The following NBAS variants were observed in gnomAD, a reference collection of about 807,000 sequenced individuals.
The protein encoded by NBAS is NBAS subunit of NRZ tethering complex.
Under a neutral mutation model 302.5 loss-of-function variants are expected in NBAS, and 219 were observed. That is an observed-to-expected ratio of 0.72 (90% CI 0.65 to 0.81). NBAS has a LOEUF of 0.81. Among genes scored for constraint, NBAS ranks in the 30% least tolerant of loss-of-function variants. The probability of loss-of-function intolerance (pLI) is 0.00; values close to 1 mark genes in which losing one functional copy is unlikely to be tolerated. For synonymous variants in NBAS, 1,118 were observed against 1,021.6 expected (o/e 1.09, Z -1.80); for missense variants, 2,932 against 2,841.6 (o/e 1.03, Z -0.72).
the NBAS span, among the ~76,000 whole-genome samples, chr2:14,983,106 T>G: frequency 6.6e-6 from 1 of 152,190 alleles, no homozygotes; most frequent in African/African-American, 2.4e-5. Flanking sequence ...GGCAACTAAA[T>G]TAACCTCTTC....
the NBAS span, among the ~76,000 whole-genome samples, chr2:14,866,458 A>G: frequency 6.6e-6 from 1 of 152,168 alleles, no homozygotes; most frequent in African/African-American, 2.4e-5. Flanking sequence ...AGAATATACT[A>G]CAAGAGCAAA....
At chr2:15,338,808 G>A (rs1373499304) in intron 35 of NBAS, among the ~76,000 whole-genome samples, 2 of 151,932 alleles carry the variant, frequency 1.3e-5, no homozygotes, top group Non-Finnish European at 2.9e-5. Flanking sequence ...CCAGGAGTTC[G>A]AGACCAGCCT....
At chr2:15,142,315 G>C in the NBAS span, among the ~76,000 whole-genome samples, 1,018 of 152,334 alleles carry the variant, frequency 6.7e-3, 64 homozygotes, top group East Asian at 0.13. Context: ...ATGTGGCTTT[G>C]CTGAGAGGCA....
At chr2:15,098,044 T>C in the NBAS span, among the ~76,000 whole-genome samples, 1 of 220 alleles carries the variant, frequency 4.5e-3, no homozygotes, top group Non-Finnish European at 0.015. Flanking sequence ...TTATATTGTA[T>C]ATAATATATT....
chr2:14,959,773 A>G, the NBAS span, among the ~76,000 whole-genome samples: 1 of 152,194 alleles, frequency 6.6e-6, no homozygotes, highest in African/African-American at 2.4e-5. Flanking sequence ...ACCCAGTTCA[A>G]ATACAATCAA....
the NBAS span, among the ~76,000 whole-genome samples, chr2:14,862,121 G>T: frequency 6.6e-6 from 1 of 151,136 alleles, no homozygotes; most frequent in Admixed American, 6.6e-5. Context: ...CATTCTGGAA[G>T]TGAGCCAGAT....
chr2:14,831,893 A>G, the NBAS span, among the ~76,000 whole-genome samples: 2 of 152,224 alleles, frequency 1.3e-5, no homozygotes, highest in Non-Finnish European at 2.9e-5. Flanking sequence ...CATAGACATT[A>G]GACATGAAAT....
intron 25 of NBAS, among the ~76,000 whole-genome samples, chr2:15,413,065 C>T (rs74630431): frequency 0.022 from 3,408 of 152,260 alleles, 71 homozygotes; most frequent in Middle Eastern, 0.027. Flanking sequence ...AAACAACTTG[C>T]GTAACCTCCT....
At chr2:15,467,855 G>T in intron 17 of NBAS, 51 bp from the exon 18 acceptor site, 1 of 1,398,840 alleles carries the variant, frequency 7.1e-7, no homozygotes, top group Non-Finnish European at 1.0e-6. Context: ...AAAACTTCGT[G>T]TTGTGAAAAG....
chr2:15,353,514 C>T (rs747288762), intron 34 of NBAS, 39 bp downstream of exon 34: 18 of 1,611,764 alleles, frequency 1.1e-5, no homozygotes, highest in Admixed American at 1.7e-5. Context: ...ACAACATGGA[C>T]GTCATACAGG....
At chr2:15,303,229 T>A (rs1670885126) in intron 40 of NBAS, among the ~76,000 whole-genome samples, 1 of 152,072 alleles carries the variant, frequency 6.6e-6, no homozygotes, top group South Asian at 2.1e-4. Context: ...GTGATAGAAA[T>A]AAGAACGACA....
At chr2:15,034,811 C>T in the NBAS span, among the ~76,000 whole-genome samples, 2 of 152,112 alleles carry the variant, frequency 1.3e-5, no homozygotes, top group African/African-American at 4.8e-5. Flanking sequence ...TTCTGTAATA[C>T]CAGCCCTTCC....
the NBAS span, among the ~76,000 whole-genome samples, chr2:15,060,121 G>C: frequency 6.6e-6 from 1 of 152,124 alleles, no homozygotes; most frequent in Non-Finnish European, 1.5e-5. Flanking sequence ...CTAGGCCTCT[G>C]CTCAGTCATC....
chr2:14,991,953 G>A, the NBAS span, among the ~76,000 whole-genome samples: 1 of 152,158 alleles, frequency 6.6e-6, no homozygotes, highest in Non-Finnish European at 1.5e-5. Flanking sequence ...GGTGCACAGC[G>A]CTCTGGAGGT....
At chr2:15,202,294 T>C (rs1413241631) in intron 48 of NBAS, among the ~76,000 whole-genome samples, 1 of 152,148 alleles carries the variant, frequency 6.6e-6, no homozygotes, top group Non-Finnish European at 1.5e-5. Context: ...AATTACACAA[T>C]AAAACATGCT....
intron 28 of NBAS, among the ~76,000 whole-genome samples, chr2:15,390,847 G>A (rs538206044): frequency 6.6e-6 from 1 of 152,220 alleles, no homozygotes; most frequent in East Asian, 1.9e-4. Context: ...AGGCGTGGTG[G>A]CTCATGCCTG....
chr2:14,806,219 T>C, the NBAS span, among the ~76,000 whole-genome samples: 3 of 152,162 alleles, frequency 2.0e-5, no homozygotes, highest in African/African-American at 4.8e-5. Flanking sequence ...CCAGGGACCA[T>C]ACTTTGAGAA....
chr2:14,804,332 G>A, the NBAS span, among the ~76,000 whole-genome samples: 1 of 152,324 alleles, frequency 6.6e-6, no homozygotes, highest in Non-Finnish European at 1.5e-5. Flanking sequence ...CCCAAGCATA[G>A]TGCTGAAGTG....
At chr2:15,411,563 A>T (rs1012484588) in intron 25 of NBAS, among the ~76,000 whole-genome samples, 2 of 152,210 alleles carry the variant, frequency 1.3e-5, no homozygotes, top group African/African-American at 4.8e-5. Flanking sequence ...AATATTCTAC[A>T]GTAAGCATTA....
Sources: allele counts gnomAD v4.1 joint callset (sites outside exome capture counted in the v4.1 genomes callset), GRCh38; gene constraint gnomAD v4.1.1; transcripts MANE v1.5; gene names NCBI Gene and HGNC (gene_info 2026-07-23, HGNC 2026-07-21).